Variants in ITFG2 observed in about 807,000 individuals in gnomAD.
The protein encoded by ITFG2 is integrin alpha FG-GAP repeat containing 2.
A neutral mutation model predicts 54.4 loss-of-function variants in ITFG2; 36 were observed. The ratio of observed to expected loss-of-function variants is 0.66; its 90% CI spans 0.51 to 0.87. ITFG2 has a LOEUF of 0.87. Among genes scored for constraint, ITFG2 ranks in the 40% least tolerant of loss-of-function variants. The pLI is 0.00. For synonymous variants in ITFG2, 211 were observed against 225.4 expected (o/e 0.94, Z 0.57); for missense variants, 524 against 576.7 (o/e 0.91, Z 0.94).
At chr12:2,834,166 C>A (rs1220642430), upstream of ITFG2, among the ~76,000 whole-genome samples, 2 of 152,220 alleles carry the variant, frequency 1.3e-5, no homozygotes, top group Non-Finnish European at 2.9e-5. Flanking sequence ...ACACAAAACC[C>A]TGATGCCCTG....
At chr12:2,849,188 C>T (rs923073672) in intron 2 of ITFG2, 56 of 1,498,814 alleles carry the variant, frequency 3.7e-5, no homozygotes, top group Non-Finnish European at 4.6e-5. Flanking sequence ...AACACTGGAG[C>T]CTGGGGCTCT....
At position 2,821,248 on chromosome 12, in the gene ITFG2, C is replaced by T; in HGVS notation, c.696-14C>T. On this transcript the variant is annotated splice_polypyrimidine_tract_variant and intron_variant, in intron 6 of 11. Coordinates refer to ENST00000228799, the MANE Select transcript of ITFG2 (RefSeq NM_018463.4). ...CTTGGTCTCCCGCTTGATCCGTCCA[C>T]CTGCTGTGCACAGGGAGACCCCAGC... 6.3e-7 allele frequency: 1 copy of T among 1,594,306 alleles called. No individual in the cohort carries two copies. Among genetic ancestry groups the T allele is most frequent in the Non-Finnish European group, 8.6e-7 (1 of 1,168,460 alleles).
chr12:2,847,696 C>T (rs1342713814), intron 2 of ITFG2, among the ~76,000 whole-genome samples: 4 of 148,998 alleles, frequency 2.7e-5, no homozygotes, highest in Non-Finnish European at 4.5e-5. Flanking sequence ...CCAAAAAAAT[C>T]ACTGACTCCC....
chr12:2,857,273 A>G (rs1376181883), intron 2 of ITFG2: 3 of 548,690 alleles, frequency 5.5e-6, no homozygotes, highest in Non-Finnish European at 9.8e-6. Context: ...TGCCGGGCAG[A>G]AGAAAAGCAG....
At position 2,814,382 on chromosome 12, in the gene ITFG2, TGAAA is replaced by T. The variant is rs539144754; in HGVS notation, c.96+1530_96+1533del. On this transcript the variant is annotated intron_variant, in intron 1 of 11. Coordinates refer to ENST00000228799, the MANE Select transcript of ITFG2 (RefSeq NM_018463.4). ...CAGCTTTTTTGAAATTGTACTTATC[TGAAA>T]GAATTACACTATTACACACTCACTT... 3.6e-3 allele frequency among the ~76,000 whole-genome samples: 543 copies of T among 152,356 alleles called. 2 individuals are homozygous for T. Among genetic ancestry groups the T allele is most frequent in the Non-Finnish European group, 6.0e-3 (410 of 68,028 alleles).
In ITFG2 at chr12:2,850,671, T is replaced by C. The variant is rs533904554; in HGVS notation, n.301-7341T>C. On this transcript the variant is annotated intron_variant and non_coding_transcript_variant, in intron 2 of 3. Coordinates refer to the ITFG2 transcript ENST00000537710. ...GTCTTTGTTTTTGTTTTGTTTTGTTTTGTTTTGTTTTGTTTTGTTGAGACA... is the reference window on the plus strand; with the variant it reads ...GTCTTTGTTTTTGTTTTGTTTTGTTCTGTTTTGTTTTGTTTTGTTGAGACA... Among the ~76,000 whole-genome samples the C allele has an allele frequency of 8.6e-5, 13 of 151,820 alleles. 1 individual carries two copies. The highest frequency in any genetic ancestry group is 3.1e-4 in the African/African-American group (13 of 41,400).
chr12:2,859,018 T>A (rs1486465497), intron 3 of ITFG2: 3 of 1,611,722 alleles, frequency 1.9e-6, no homozygotes, highest in Non-Finnish European at 2.5e-6. Context: ...TGTACTGGGC[T>A]GAAATCCAGT....
Position 2,820,784 on chromosome 12 carries a change from C to T in ITFG2, c.607C>T (p.Pro203Ser), listed in dbSNP as rs1293700637. The change falls in exon 6 of 12, where the codon CCA becomes TCA. Residue 203 changes from proline (P) to serine (S), a missense_variant. Pro to Ser is a moderately conservative substitution (Grantham distance 74, BLOSUM62 -1). Transcript: ENST00000228799. ...TCTTCCTGAACTGATGGTGTCTCAG[C>T]CAGGTTGTGCGTATGCAATTCTACT... ...LGLPELMVSQPGCAYAILLCT... is the reference protein window; with the variant it reads ...LGLPELMVSQSGCAYAILLCT... 4 of 1,613,936 alleles carry T rather than the reference C, an allele frequency of 2.5e-6. No individual in the cohort carries two copies. Among genetic ancestry groups the T allele is most frequent in the Non-Finnish European group, 2.5e-6 (3 of 1,179,964 alleles).
chr12:2,834,763 C>G (rs140560111), upstream of ITFG2: 45 of 1,613,864 alleles, frequency 2.8e-5, no homozygotes, highest in East Asian at 6.2e-4. Flanking sequence ...GGCTCGGTCT[C>G]GAAGCTGTGC....
intron 1 of ITFG2, among the ~76,000 whole-genome samples, chr12:2,840,575 A>G (rs921470137): frequency 3.9e-5 from 6 of 152,138 alleles, no homozygotes; most frequent in East Asian, 1.9e-4. Context: ...TCACGAGGTC[A>G]GGAGATTGAG....
intron 2 of ITFG2, among the ~76,000 whole-genome samples, chr12:2,855,773 G>C (rs1299277945): frequency 6.6e-6 from 1 of 152,132 alleles, no homozygotes; most frequent in Admixed American, 6.5e-5. Flanking sequence ...TTCCCACCCA[G>C]GAACTGGTGC....
rs115680621 is a variant in ITFG2, at chr12:2,854,958, A to T, written n.301-3054A>T. The T allele has an allele frequency of 1.9e-3, 2,841 of 1,535,480 alleles. 51 individuals are homozygous for T. The African/African-American group carries it at 0.034, about 18-fold the overall frequency. On this transcript the variant is annotated intron_variant and non_coding_transcript_variant, in intron 2 of 3. Coordinates refer to the ITFG2 transcript ENST00000537710. ...CATCGAGTGGGGGTGCTCTTGCCTC[A>T]CTCCTCAACTTGAGCTTCTCCACCT...
upstream of ITFG2, among the ~76,000 whole-genome samples, chr12:2,832,620 TC>T (rs916629567): frequency 8.6e-5 from 13 of 151,572 alleles, no homozygotes; most frequent in African/African-American, 3.2e-4. Flanking sequence ...CAAGCTGGGG[TC>T]CCTTGTCTTA....
chr12:2,818,185 G>A lies in ITFG2; in HGVS notation c.314G>A (p.Gly105Glu). 6.2e-7 allele frequency: 1 copy of A among 1,614,078 alleles called. No individual in the cohort carries two copies. The highest frequency in any genetic ancestry group is 1.1e-5 in the South Asian group (1 of 91,084). Residue 105 changes from glycine (G) to glutamate (E), a missense_variant, in exon 4 of 12, where the codon GGG becomes GAG. By Grantham distance (98) the Gly-to-Glu change is moderately conservative. Transcript: ENST00000228799. ...LTPAKVLDAS[G>E]HHETLIGEEQ... ...CCTGCCAAGGTGTTGGATGCTTCTG[G>A]GCACCACGAGACACTAATCGGAGAG...
chr12:2,844,966 C>T (rs1156771525), intron 2 of ITFG2, among the ~76,000 whole-genome samples: 1 of 152,224 alleles, frequency 6.6e-6, no homozygotes, highest in African/African-American at 2.4e-5. Flanking sequence ...GTTCGTGAGG[C>T]TCTGCCCTGG....
upstream of ITFG2, among the ~76,000 whole-genome samples, chr12:2,832,687 G>A (rs1168067057): frequency 6.7e-6 from 1 of 150,234 alleles, no homozygotes; most frequent in African/African-American, 2.5e-5. Flanking sequence ...TCCCCCATTA[G>A]CCTGGAGAGC....
At chr12:2,850,475 C>CAAAA (rs1275655927) in intron 2 of ITFG2, among the ~76,000 whole-genome samples, 31 of 70,672 alleles carry the variant, frequency 4.4e-4, no homozygotes, top group African/African-American at 1.4e-3. Context: ...GACTCTGTCT[C>CAAAA]AAAAAAAAAA....
At chr12:2,839,585 A>G (rs2098036209) in intron 1 of ITFG2, among the ~76,000 whole-genome samples, 2 of 152,212 alleles carry the variant, frequency 1.3e-5, no homozygotes, top group Admixed American at 1.3e-4. Flanking sequence ...AGAAAAAAGT[A>G]GTTATTGAGC....
intron 3 of ITFG2, 43 bp from the exon 4 acceptor site, chr12:2,818,063 C>A (rs761669322): frequency 1.9e-6 from 3 of 1,608,882 alleles, no homozygotes; most frequent in Non-Finnish European, 1.7e-6. Context: ...GTTTCCAAAA[C>A]TCCCTCCCCA....
Sources: allele counts gnomAD v4.1 joint callset (sites outside exome capture counted in the v4.1 genomes callset), GRCh38; gene constraint gnomAD v4.1.1; transcripts MANE v1.5; gene names NCBI Gene and HGNC (gene_info 2026-07-23, HGNC 2026-07-21).